The following USP54 variants were observed in gnomAD, a reference collection of about 807,000 sequenced individuals.
The protein encoded by USP54 is ubiquitin specific peptidase 54, also known as ubiquitin carboxyl-terminal hydrolase 54.
In USP54, 87 loss-of-function variants were observed where a neutral mutation model predicts 170.5. The ratio of observed to expected loss-of-function variants is 0.51; its 90% CI spans 0.43 to 0.61. The LOEUF (loss-of-function observed/expected upper bound fraction) is 0.61, where lower values mean the gene tolerates loss of function less well. Ranked by LOEUF, USP54 falls within the 20% of genes least tolerant of loss-of-function variation. The pLI, the probability that USP54 is intolerant of heterozygous loss-of-function variation, is 0.00. For missense variants in USP54, 1,786 were observed against 2,047.8 expected (o/e 0.87, Z 2.47); for synonymous variants, 655 against 742.8 (o/e 0.88, Z 1.92).
intron 1 of USP54, among the ~76,000 whole-genome samples, chr10:73,608,654 G>T (rs554139066): frequency 2.0e-5 from 3 of 152,284 alleles, no homozygotes; most frequent in Non-Finnish European, 1.5e-5. Context: ...CCAACATTTT[G>T]GAAGGCCGAG....
intron 16 of USP54, among the ~76,000 whole-genome samples, chr10:73,525,314 A>C (rs2062661258): frequency 6.6e-6 from 1 of 152,218 alleles, no homozygotes; most frequent in Non-Finnish European, 1.5e-5. Context: ...ACCATATAAG[A>C]ATGTTTGTTC....
intron 1 of USP54, among the ~76,000 whole-genome samples, chr10:73,605,997 G>A (rs1299408568): frequency 1.3e-5 from 2 of 151,914 alleles, no homozygotes; most frequent in African/African-American, 2.4e-5. Context: ...GGCCAACATG[G>A]TGAAACCCTG....
At chr10:73,565,873 T>C (rs1345651660) in intron 4 of USP54, among the ~76,000 whole-genome samples, 2 of 152,108 alleles carry the variant, frequency 1.3e-5, no homozygotes, top group Non-Finnish European at 2.9e-5. Context: ...CAACATTTGG[T>C]AGTTGGTAGT....
chr10:73,582,033 C>T (rs549919079), intron 1 of USP54, among the ~76,000 whole-genome samples: 2 of 152,272 alleles, frequency 1.3e-5, no homozygotes, highest in South Asian at 4.1e-4. Flanking sequence ...AAGTAATAAA[C>T]CAGGCTCCAG....
chr10:73,515,349 C>T (rs2060892375), intron 20 of USP54, among the ~76,000 whole-genome samples: 1 of 152,076 alleles, frequency 6.6e-6, no homozygotes, highest in Admixed American at 6.6e-5. Flanking sequence ...AGTGACTTGT[C>T]CAAATTTATA....
intron 17 of USP54, 53 bp from the exon 18 acceptor site, chr10:73,521,080 G>A (rs920920427): frequency 3.1e-6 from 5 of 1,606,334 alleles, no homozygotes; most frequent in South Asian, 1.1e-5. Flanking sequence ...AAATTTTCCT[G>A]TGTACTGTTG....
intron 1 of USP54, among the ~76,000 whole-genome samples, chr10:73,599,518 T>C (rs1479685841): frequency 6.6e-6 from 1 of 152,180 alleles, no homozygotes; most frequent in Admixed American, 6.5e-5. Context: ...TAAAGACATT[T>C]GTCTCTCTCT....
At chr10:73,607,864 T>C (rs368020672) in intron 1 of USP54, among the ~76,000 whole-genome samples, 6 of 149,088 alleles carry the variant, frequency 4.0e-5, no homozygotes, top group African/African-American at 1.5e-4. Flanking sequence ...TAAGAAGTAA[T>C]CCTTCAGAGG....
At position 73,576,131 on chromosome 10, in the gene USP54, C is replaced by T. The variant is rs1383755377; in HGVS notation, c.-351G>A. 2.6e-5 allele frequency: 4 copies of T among 152,342 alleles called. No individual in the cohort carries two copies. The highest frequency in any genetic ancestry group is 4.4e-5 in the Non-Finnish European group (3 of 68,166). The allele number at this position is 152,342 out of a possible 1,614,324, so 9.4% of individuals were successfully genotyped here. ...GAAGCAAGAATCCAACATGATCCTC[C>T]TCACCCTCTATTGCCTTGTCTCATC... On this transcript the variant is annotated 5_prime_UTR_variant, in exon 2 of 24. Transcript: ENST00000687698.
intron 17 of USP54, among the ~76,000 whole-genome samples, chr10:73,521,465 A>G (rs529518564): frequency 5.9e-5 from 9 of 152,342 alleles, no homozygotes; most frequent in African/African-American, 2.2e-4. Context: ...AACACCCTAG[A>G]TGTCAACTAA....
chr10:73,504,916 G>T lies in USP54; in HGVS notation c.4245C>A (p.Ile1415=), dbSNP rs2058832619. 1.2e-6 allele frequency: 2 copies of T among 1,614,032 alleles called. No individual in the cohort carries two copies. The highest frequency in any genetic ancestry group is 1.7e-5 in the Admixed American group (1 of 59,984). Residue 1415 remains isoleucine, a synonymous_variant, in exon 22 of 24, where the codon ATC becomes ATA. Transcript: ENST00000687698. The stretch of plus-strand genomic sequence containing the variant: ...CAACGGTGCCACTGAGACTGCGTGA[G>T]ATGCGACGTAAATTCTCTGCACTGT... ...EQYSAENLRR[I]SRSLSGTVVS...
At chr10:73,618,316 G>T (rs915083374) in intron 1 of USP54, among the ~76,000 whole-genome samples, 5 of 150,588 alleles carry the variant, frequency 3.3e-5, no homozygotes, top group Non-Finnish European at 7.4e-5. Flanking sequence ...AGGCTGGAGT[G>T]TAGTGGCATG....
At chr10:73,509,835 C>T (rs1396180302) in intron 20 of USP54, among the ~76,000 whole-genome samples, 1 of 151,880 alleles carries the variant, frequency 6.6e-6, no homozygotes, top group African/African-American at 2.4e-5. Flanking sequence ...TGGCAAAACC[C>T]TGTCGCTCCA....
chr10:73,572,242 T>C (rs550082923), intron 3 of USP54, among the ~76,000 whole-genome samples: 1 of 152,230 alleles, frequency 6.6e-6, no homozygotes, highest in Non-Finnish European at 1.5e-5. Flanking sequence ...ATCAAAAACA[T>C]AAACATTCTG....
At chr10:73,502,147 A>G (rs1272770098) in intron 22 of USP54, among the ~76,000 whole-genome samples, 2 of 152,176 alleles carry the variant, frequency 1.3e-5, no homozygotes, top group Non-Finnish European at 2.9e-5. Context: ...AGTATGTCTA[A>G]TTTCCTTTAC....
At position 73,575,794 on chromosome 10, in the gene USP54, C is replaced by T; in HGVS notation, c.-18+4G>A. ...TTTATTTTGGAAGATTTTGACTTTA[C>T]CACCTTCCAAATATCATCTGTGTAG... is the stretch of plus-strand genomic sequence containing the variant. On this transcript the variant is annotated splice_donor_region_variant and intron_variant, in intron 2 of 23. Coordinates refer to ENST00000687698, the MANE Select transcript of USP54 (RefSeq NM_001391956.1). The T allele has an allele frequency of 9.0e-7, 1 of 1,113,270 alleles. No homozygotes were observed. Among genetic ancestry groups the T allele is most frequent in the Non-Finnish European group, 1.2e-6 (1 of 801,874 alleles). The allele number at this position is 1,113,270 out of a possible 1,614,324, so 69.0% of individuals were successfully genotyped here.
At chr10:73,526,813 A>C in intron 15 of USP54, 33 bp from the exon 16 acceptor site, 1 of 1,610,542 alleles carries the variant, frequency 6.2e-7, no homozygotes, top group Middle Eastern at 1.7e-4. Flanking sequence ...TAGTGAAAGC[A>C]TGAAAGCAGG....
chr10:73,513,052 A>G (rs748658316), intron 20 of USP54, among the ~76,000 whole-genome samples: 1 of 152,162 alleles, frequency 6.6e-6, no homozygotes, highest in African/African-American at 2.4e-5. Context: ...AGTTTATAAC[A>G]TTCAACTAGT....
chr10:73,523,876 A>ATTATTAT (rs1336273035), intron 16 of USP54, 126 bp from the exon 17 acceptor site: 2 of 200,724 alleles, frequency 1.0e-5, no homozygotes, highest in Admixed American at 9.8e-5. Context: ...TTATTTATTT[A>ATTATTAT]TTATTTATTA....
Sources: allele counts gnomAD v4.1 joint callset (sites outside exome capture counted in the v4.1 genomes callset), GRCh38; gene constraint gnomAD v4.1.1; transcripts MANE v1.5; gene names NCBI Gene and HGNC (gene_info 2026-07-23, HGNC 2026-07-21).